KY: variants seen among roughly 807,000 people sequenced by gnomAD.
KY encodes the protein kyphoscoliosis peptidase.
KY carries 43 observed loss-of-function variants against 76.1 expected under a neutral mutation model. That is an observed-to-expected ratio of 0.57 (90% confidence interval 0.44 to 0.73). KY has a LOEUF of 0.73. Ranked by LOEUF, KY falls within the 30% of genes least tolerant of loss-of-function variation. The pLI is 0.00. For missense variants in KY, 722 were observed against 828.9 expected, an observed-to-expected ratio of 0.87 and a Z score of 1.58; for synonymous variants, 277 against 326.2, an observed-to-expected ratio of 0.85 and a Z score of 1.63.
intron 1 of KY, among the ~76,000 whole-genome samples, chr3:134,650,047 G>T (rs1164624471): frequency 1.3e-5 from 2 of 152,178 alleles, no homozygotes; most frequent in African/African-American, 2.4e-5. Flanking sequence ...CTTTTCAGGG[G>T]CTTATTTAAC....
At chr3:134,604,953 G>T (rs536328075) in intron 10 of KY, among the ~76,000 whole-genome samples, 3 of 152,148 alleles carry the variant, frequency 2.0e-5, no homozygotes, top group Non-Finnish European at 2.9e-5. Context: ...TAGTGAGAAT[G>T]GCTTCACTCC....
intron 9 of KY, among the ~76,000 whole-genome samples, chr3:134,609,266 T>A (rs1388436105): frequency 6.6e-6 from 1 of 152,166 alleles, no homozygotes; most frequent in Admixed American, 6.5e-5. Flanking sequence ...GCGGGGACCT[T>A]TTGTGGCTCT....
intron 9 of KY, 122 bp downstream of exon 9, chr3:134,610,073 A>G: frequency 9.5e-7 from 1 of 1,051,504 alleles, no homozygotes; most frequent in Non-Finnish European, 1.4e-6. Flanking sequence ...AGGAGTGGGC[A>G]TGGGGCCTCC....
intron 10 of KY, chr3:134,607,800 C>G: frequency 1.0e-6 from 1 of 987,386 alleles, no homozygotes; most frequent in Non-Finnish European, 1.2e-6. Context: ...GCTGGGTATC[C>G]TATACTGCCC....
At chr3:134,634,990 A>G (rs542567317) in intron 3 of KY, among the ~76,000 whole-genome samples, 3 of 152,266 alleles carry the variant, frequency 2.0e-5, no homozygotes, top group Non-Finnish European at 4.4e-5. Flanking sequence ...ATAGTTTGGC[A>G]GTTTCTTATA....
chr3:134,637,244 C>T (rs1252568507), intron 3 of KY, among the ~76,000 whole-genome samples: 1 of 152,202 alleles, frequency 6.6e-6, no homozygotes, highest in Non-Finnish European at 1.5e-5. Context: ...CAGTTCTGGT[C>T]GTAGGACTGG....
intron 8 of KY, among the ~76,000 whole-genome samples, chr3:134,616,015 G>A (rs192604268): frequency 2.5e-4 from 38 of 152,344 alleles, no homozygotes; most frequent in Admixed American, 1.0e-3. Context: ...CTGCTAGCTG[G>A]TGATGCTAAA....
rs117403474 is a variant in KY, at chr3:134,647,959, C to T, written c.137-462G>A. Among the ~76,000 whole-genome samples the T allele has an allele frequency of 9.8e-5, 15 of 152,328 alleles. No individual in the cohort carries two copies. In the East Asian group the frequency reaches 2.3e-3, roughly 24 times the overall value. On this transcript the variant is annotated intron_variant, in intron 1 of 10. Transcript: ENST00000423778. ...TGACAGTTGCCAGTTCTCTTGGCCT[C>T]CCTTGCAGCTAGAGGGTAAACACGT...
intron 2 of KY, 102 bp from the exon 3 acceptor site, chr3:134,643,480 G>A (rs887922735): frequency 1.1e-6 from 1 of 895,900 alleles, no homozygotes; most frequent in Non-Finnish European, 1.8e-6. Context: ...GCTGGCGGGG[G>A]CCAAGCACAT....
intron 8 of KY, among the ~76,000 whole-genome samples, chr3:134,616,060 G>A (rs1304540319): frequency 1.2e-4 from 18 of 152,216 alleles, no homozygotes; most frequent in Admixed American, 9.2e-4. Flanking sequence ...ACTGGAGGCC[G>A]ACTCAAGAGC....
At chr3:134,649,323 T>C (rs1188095945) in intron 1 of KY, among the ~76,000 whole-genome samples, 2 of 152,204 alleles carry the variant, frequency 1.3e-5, no homozygotes, top group African/African-American at 4.8e-5. Context: ...GCAGTCCTGA[T>C]GCCTGGTGTT....
chr3:134,607,040 A>G, intron 10 of KY: 1 of 984,794 alleles, frequency 1.0e-6, no homozygotes, highest in Non-Finnish European at 1.2e-6. Context: ...GATTTCTATA[A>G]ATTAAGGAAT....
rs970076704 is a variant in KY at position 134,650,912 on chromosome 3, T to G, written c.49A>C (p.Ile17Leu). The G allele has an allele frequency of 5.0e-5, 81 of 1,613,206 alleles. No individual in the cohort carries two copies. Among genetic ancestry groups the G allele is most frequent in the Non-Finnish European group, 6.8e-5 (80 of 1,179,490 alleles). The change falls in exon 1 of 11, where the codon ATC (isoleucine) becomes CTC (leucine). Residue 17 changes from isoleucine (I) to leucine (L), a missense_variant. Physicochemically the swap from Ile to Leu is conservative, Grantham distance 5. This residue lies in a region of KY where 170 missense variants were observed against 148.1 expected (regional missense o/e 1.15). Transcript: ENST00000423778. Reference sequence around the variant, plus strand: ...GCGCGCCGCTTCTCCGAGTGCACGATCAGCAGCATGTCGATAGATACAGCG... The same window carrying G: ...GCGCGCCGCTTCTCCGAGTGCACGAGCAGCAGCATGTCGATAGATACAGCG... Reference protein sequence around the residue: ...INAVSIDMLLIVHSEKRRAAQ... With the variant: ...INAVSIDMLLLVHSEKRRAAQ...
At chr3:134,632,258 A>G (rs1964338015) in intron 3 of KY, among the ~76,000 whole-genome samples, 1 of 152,124 alleles carries the variant, frequency 6.6e-6, no homozygotes, top group South Asian at 2.1e-4. Context: ...TACACAATGA[A>G]TAAAATTTAT....
At chr3:134,648,315 C>T (rs1011297842) in intron 1 of KY, among the ~76,000 whole-genome samples, 13 of 152,126 alleles carry the variant, frequency 8.5e-5, no homozygotes, top group South Asian at 2.1e-4. Flanking sequence ...ACTCAGGGGC[C>T]GCCACTCTCT....
chr3:134,610,157 C>T lies in KY; in HGVS notation c.899+38G>A, dbSNP rs370968095. 8 of 1,583,994 alleles carry T rather than the reference C, an allele frequency of 5.1e-6. No homozygotes were observed. The African/African-American group carries it at 6.7e-5, about 13-fold the overall frequency. Reference sequence around the variant, plus strand: ...CTGCCTGGCACATCCTCCACTTCCACCTGCCAGACGCCCAGCAGAACTGAG... The same window carrying T: ...CTGCCTGGCACATCCTCCACTTCCATCTGCCAGACGCCCAGCAGAACTGAG... On this transcript the variant is annotated intron_variant, in intron 9 of 10. Transcript: ENST00000423778.
intron 3 of KY, among the ~76,000 whole-genome samples, chr3:134,633,911 C>T (rs538105385): frequency 3.3e-5 from 5 of 152,242 alleles, no homozygotes; most frequent in South Asian, 4.1e-4. Context: ...AGCATGGTCA[C>T]GGTATACAAG....
chr3:134,610,094 T>TCCCCTC, intron 9 of KY, 101 bp downstream of exon 9: 8 of 1,305,262 alleles, frequency 6.1e-6, no homozygotes, highest in Non-Finnish European at 8.6e-6. Flanking sequence ...TGGCTCTCCT[T>TCCCCTC]CCCCTCCCGC....
At chr3:134,626,269 C>G (rs1963435091) in intron 5 of KY, among the ~76,000 whole-genome samples, 1 of 152,178 alleles carries the variant, frequency 6.6e-6, no homozygotes, top group Non-Finnish European at 1.5e-5. Flanking sequence ...CTGGAGAGAC[C>G]CCAGGGTATG....
Sources: allele counts gnomAD v4.1 joint callset (sites outside exome capture counted in the v4.1 genomes callset), GRCh38; gene constraint gnomAD v4.1.1; regional missense constraint gnomAD v4.1.1; transcripts MANE v1.5; gene names NCBI Gene and HGNC (gene_info 2026-07-23, HGNC 2026-07-21).